The following SCFD2 variants were observed in gnomAD, a reference collection of about 807,000 sequenced individuals.
SCFD2 encodes sec1 family domain-containing protein 2.
In SCFD2, 54 loss-of-function variants were observed where a neutral mutation model predicts 58.9. The observed-to-expected ratio is 0.92, with a 90% CI of 0.74 to 1.15. The LOEUF is 1.15. Among genes scored for constraint, SCFD2 ranks in the 50% most tolerant of loss-of-function variants. SCFD2 has a pLI of 0.00. For synonymous variants in SCFD2, 321 were observed against 335.9 expected (o/e 0.96, Z 0.49); for missense variants, 805 against 836.6 (o/e 0.96, Z 0.47).
intron 7 of SCFD2, among the ~76,000 whole-genome samples, chr4:52,896,328 T>G (rs1719011905): frequency 6.6e-6 from 1 of 152,162 alleles, no homozygotes; most frequent in Non-Finnish European, 1.5e-5. Flanking sequence ...CATCTTGAAT[T>G]AATTTTTGTA....
chr4:53,011,126 G>A (rs996433086), intron 5 of SCFD2, among the ~76,000 whole-genome samples: 1 of 152,128 alleles, frequency 6.6e-6, no homozygotes, highest in African/African-American at 2.4e-5. Flanking sequence ...TATTATGTTT[G>A]CCAACTCATG....
At chr4:53,006,844 G>A (rs1397692238) in intron 5 of SCFD2, among the ~76,000 whole-genome samples, 1 of 152,118 alleles carries the variant, frequency 6.6e-6, no homozygotes, top group Non-Finnish European at 1.5e-5. Context: ...AACAGGCTGG[G>A]TAGAGGCCCT....
intron 5 of SCFD2, among the ~76,000 whole-genome samples, chr4:53,086,146 T>C (rs907804215): frequency 2.0e-5 from 3 of 152,198 alleles, no homozygotes; most frequent in African/African-American, 2.4e-5. Context: ...AAGGGATTAA[T>C]AATCAGAATA....
Position 53,116,145 on chromosome 4 carries a change from AT to A in SCFD2, c.1561+29187del, listed in dbSNP as rs570549033. Among the ~76,000 whole-genome samples, 33 of 152,318 alleles carry A rather than the reference AT, an allele frequency of 2.2e-4. No homozygotes were observed. In the East Asian group the frequency reaches 5.6e-3, roughly 26 times the overall value. ...ACTTTTTTGAGCAACCAGAATAGAA[AT>A]TCCTTTTGTTTTCATTTGTATATGA... On this transcript the variant is annotated intron_variant, in intron 5 of 8. Coordinates refer to ENST00000401642, the MANE Select transcript of SCFD2 (RefSeq NM_152540.4).
At chr4:53,269,087 A>G (rs1731081690) in intron 4 of SCFD2, among the ~76,000 whole-genome samples, 1 of 152,156 alleles carries the variant, frequency 6.6e-6, no homozygotes, top group Non-Finnish European at 1.5e-5. Flanking sequence ...TGGTAGGCCA[A>G]GGCGGGAGGA....
intron 5 of SCFD2, among the ~76,000 whole-genome samples, chr4:53,049,343 G>A (rs558470298): frequency 3.9e-5 from 6 of 152,346 alleles, no homozygotes; most frequent in African/African-American, 9.6e-5. Flanking sequence ...TGACCTGAGT[G>A]TAGATTATTG....
chr4:52,920,393 C>T lies in SCFD2; in HGVS notation c.1707+332G>A, dbSNP rs576370360. On this transcript the variant is annotated intron_variant, in intron 6 of 8. Coordinates refer to ENST00000401642, the MANE Select transcript of SCFD2 (RefSeq NM_152540.4). ...AAACTTGGGAATCCTCTAAGGCCAGCCCCTCATTTGGTACCTGTAGTCATT... is the reference window on the plus strand; with the variant it reads ...AAACTTGGGAATCCTCTAAGGCCAGTCCCTCATTTGGTACCTGTAGTCATT... Among the ~76,000 whole-genome samples the T allele has an allele frequency of 9.9e-5, 15 of 152,240 alleles. No individual in the cohort carries two copies. The East Asian group carries it at 2.7e-3, about 27-fold the overall frequency.
intron 4 of SCFD2, among the ~76,000 whole-genome samples, chr4:53,182,521 T>C (rs574321636): frequency 6.6e-6 from 1 of 152,194 alleles, no homozygotes; most frequent in African/African-American, 2.4e-5. Flanking sequence ...ATTAAAGACT[T>C]AAATGTTAGA....
rs547147706 is a variant in SCFD2 at position 53,027,461 on chromosome 4, A to G, written c.1562-106591T>C. ...ACTCTTTGCATTTGTTACTTTGGCA[A>G]TTCTTTAAGTTCTTCACCTGGAAGT... On this transcript the variant is annotated intron_variant, in intron 5 of 8. Coordinates refer to ENST00000401642, the MANE Select transcript of SCFD2 (RefSeq NM_152540.4). Among the ~76,000 whole-genome samples the G allele has an allele frequency of 1.8e-4, 28 of 152,298 alleles. 1 individual carries two copies. The South Asian group carries it at 5.2e-3, about 28-fold the overall frequency.
At chr4:53,247,410 A>G (rs1399770777) in intron 4 of SCFD2, among the ~76,000 whole-genome samples, 4 of 152,172 alleles carry the variant, frequency 2.6e-5, no homozygotes, top group Admixed American at 2.6e-4. Context: ...AAAAAATATA[A>G]ATTGTTCTAT....
intron 4 of SCFD2, among the ~76,000 whole-genome samples, chr4:53,195,745 T>A (rs541665257): frequency 6.6e-6 from 1 of 152,250 alleles, no homozygotes; most frequent in South Asian, 2.1e-4. Flanking sequence ...ATAACAAGCC[T>A]GAAGAAAAAA....
intron 5 of SCFD2, among the ~76,000 whole-genome samples, chr4:53,010,638 A>G (rs1722073615): frequency 6.6e-6 from 1 of 152,214 alleles, no homozygotes; most frequent in South Asian, 2.1e-4. Flanking sequence ...ACTTTTCTGA[A>G]ACGAATAAAT....
chr4:52,895,732 C>T (rs1234023353), intron 7 of SCFD2, among the ~76,000 whole-genome samples: 1 of 152,168 alleles, frequency 6.6e-6, no homozygotes, highest in Non-Finnish European at 1.5e-5. Flanking sequence ...TTCTAGATGC[C>T]TGAGGAATCG....
At chr4:53,143,524 G>A (rs1726228636) in intron 5 of SCFD2, among the ~76,000 whole-genome samples, 1 of 152,176 alleles carries the variant, frequency 6.6e-6, no homozygotes, top group South Asian at 2.1e-4. Context: ...TACTAAGCAA[G>A]AAAATGTTTC....
intron 4 of SCFD2, among the ~76,000 whole-genome samples, chr4:53,258,676 A>G (rs1730735468): frequency 6.6e-6 from 1 of 151,436 alleles, no homozygotes; most frequent in East Asian, 1.9e-4. Flanking sequence ...TTGTGCTGCT[A>G]TAACCATGCA....
chr4:53,039,723 TTCA>T (rs1346416623), intron 5 of SCFD2, among the ~76,000 whole-genome samples: 1 of 152,204 alleles, frequency 6.6e-6, no homozygotes, highest in African/African-American at 2.4e-5. Flanking sequence ...ATTATCTTTT[TTCA>T]TCATCATAAT....
Position 53,179,615 on chromosome 4 carries a change from A to C in SCFD2, c.1312-34033T>G, listed in dbSNP as rs552877364. 3.3e-5 allele frequency among the ~76,000 whole-genome samples: 5 copies of C among 152,326 alleles called. No homozygotes were observed. The East Asian group carries it at 9.6e-4, about 29-fold the overall frequency. ...AACTAATGAGCAAAATAACCAGCTA[A>C]CATCATAATGACAGGATCAAATTCA... is the stretch of plus-strand genomic sequence containing the variant. On this transcript the variant is annotated intron_variant, in intron 4 of 8. Transcript: ENST00000401642.
intron 2 of SCFD2, among the ~76,000 whole-genome samples, chr4:53,339,524 C>T (rs1329242918): frequency 3.9e-5 from 6 of 152,088 alleles, no homozygotes; most frequent in Non-Finnish European, 7.4e-5. Context: ...AATCCCAGCA[C>T]TTTGGGAGGC....
intron 4 of SCFD2, among the ~76,000 whole-genome samples, chr4:53,255,912 G>A (rs1730600402): frequency 7.1e-6 from 1 of 140,088 alleles, no homozygotes; most frequent in African/African-American, 2.5e-5. Flanking sequence ...CCCAGTAGGG[G>A]CGGCCGGGCA....
Sources: allele counts gnomAD v4.1 joint callset (sites outside exome capture counted in the v4.1 genomes callset), GRCh38; gene constraint gnomAD v4.1.1; transcripts MANE v1.5; gene names NCBI Gene and HGNC (gene_info 2026-07-23, HGNC 2026-07-21).